The following LRRTM4 variants were observed in gnomAD, a reference collection of about 807,000 sequenced individuals.
LRRTM4 encodes the protein leucine rich repeat transmembrane neuronal 4.
In LRRTM4, 25 loss-of-function variants were observed where a neutral mutation model predicts 47.6. The ratio of observed to expected loss-of-function variants is 0.53; its 90% CI spans 0.38 to 0.73. The LOEUF is 0.73. LRRTM4 is among the 30% of genes least tolerant of loss of function. The pLI is 0.00. For synonymous variants in LRRTM4, 311 were observed against 269.5 expected, an observed-to-expected ratio of 1.15 and a Z score of -1.51; for missense variants, 638 against 713.4, an observed-to-expected ratio of 0.89 and a Z score of 1.20.
rs558537339 is a variant in LRRTM4, at chr2:77,000,338, G to A, written c.1552-251422C>T. ...AAAAAAAAAGGGTTAGTAATTGTGT[G>A]GTCTTCTCCATTACAAAGATGCTGA... is the stretch of plus-strand genomic sequence containing the variant. On this transcript the variant is annotated intron_variant, in intron 3 of 3. Coordinates refer to ENST00000409884, the MANE Select transcript of LRRTM4 (RefSeq NM_001134745.3). Among the ~76,000 whole-genome samples the A allele has an allele frequency of 1.9e-4, 29 of 152,054 alleles. 1 individual carries two copies. The South Asian group carries it at 5.8e-3, about 31-fold the overall frequency.
intron 3 of LRRTM4, among the ~76,000 whole-genome samples, chr2:76,962,884 C>T (rs947478625): frequency 1.0e-4 from 15 of 150,390 alleles, no homozygotes; most frequent in East Asian, 7.8e-4. Context: ...TAAATGCCAC[C>T]GTGACTCAGA....
chr2:76,787,004 G>GACTTGTGGA (rs749754539), intron 3 of LRRTM4, among the ~76,000 whole-genome samples: 152 of 151,958 alleles, frequency 1.0e-3, no homozygotes, highest in Admixed American at 1.9e-3. Flanking sequence ...ATGGTCAGGT[G>GACTTGTGGA]ACTTGTGGAA....
chr2:77,308,743 A>C (rs2104188609), intron 3 of LRRTM4, among the ~76,000 whole-genome samples: 1 of 152,124 alleles, frequency 6.6e-6, no homozygotes, highest in African/African-American at 2.4e-5. Flanking sequence ...CTCTTAGGCC[A>C]AATTGTTTTG....
At chr2:76,936,537 T>A in intron 3 of LRRTM4, among the ~76,000 whole-genome samples, 1 of 150,954 alleles carries the variant, frequency 6.6e-6, no homozygotes, top group Admixed American at 6.6e-5. Flanking sequence ...TATGCCTATG[T>A]AAGAAACCTG....
At chr2:76,908,060 A>C (rs1673912912) in intron 3 of LRRTM4, among the ~76,000 whole-genome samples, 1 of 152,018 alleles carries the variant, frequency 6.6e-6, no homozygotes, top group South Asian at 2.1e-4. Flanking sequence ...TTTTAGACCA[A>C]TATCCTTGAT....
At chr2:76,970,703 C>T (rs1441154962) in intron 3 of LRRTM4, among the ~76,000 whole-genome samples, 1 of 152,010 alleles carries the variant, frequency 6.6e-6, no homozygotes, top group Non-Finnish European at 1.5e-5. Flanking sequence ...AAAAGCTGAA[C>T]CTCACAACCT....
In LRRTM4 at chr2:77,058,054, C is replaced by T. The variant is rs1025264381; in HGVS notation, c.1552-309138G>A. ...GTCAATATTTTAGATTTTTCATGGG[C>T]CTCTGTTGTCAATCCCACCTTATGG... On this transcript the variant is annotated intron_variant, in intron 3 of 3. Coordinates refer to ENST00000409884, the MANE Select transcript of LRRTM4 (RefSeq NM_001134745.3). 2.0e-5 allele frequency among the ~76,000 whole-genome samples: 3 copies of T among 152,080 alleles called. No homozygotes were observed. In the East Asian group the frequency reaches 5.8e-4, roughly 29 times the overall value.
chr2:77,046,355 CA>C (rs1015028807), intron 3 of LRRTM4, among the ~76,000 whole-genome samples: 1 of 151,968 alleles, frequency 6.6e-6, no homozygotes, highest in Non-Finnish European at 1.5e-5. Context: ...AACCAAAGTG[CA>C]AAATGTGCAA....
chr2:77,146,641 A>G (rs1270280405), intron 3 of LRRTM4, among the ~76,000 whole-genome samples: 1 of 152,152 alleles, frequency 6.6e-6, no homozygotes, highest in Non-Finnish European at 1.5e-5. Flanking sequence ...ATTAAAAGTC[A>G]CAGATTTATA....
At chr2:77,186,508 A>G (rs1673509805) in intron 3 of LRRTM4, among the ~76,000 whole-genome samples, 1 of 152,188 alleles carries the variant, frequency 6.6e-6, no homozygotes. Context: ...TGCCAAATGA[A>G]AAACAGAATT....
At chr2:77,479,960 C>T (rs138919581) in intron 3 of LRRTM4, among the ~76,000 whole-genome samples, 19 of 152,168 alleles carry the variant, frequency 1.2e-4, no homozygotes, top group East Asian at 1.2e-3. Flanking sequence ...ACATATGACA[C>T]GACATTTTCC....
intron 3 of LRRTM4, among the ~76,000 whole-genome samples, chr2:77,164,052 A>G (rs1405386046): frequency 2.0e-5 from 3 of 152,196 alleles, no homozygotes; most frequent in Admixed American, 1.3e-4. Context: ...AGTGTGCTGT[A>G]TTCAGGAGAC....
At chr2:76,887,150 C>T (rs1174676155) in intron 3 of LRRTM4, among the ~76,000 whole-genome samples, 1 of 151,358 alleles carries the variant, frequency 6.6e-6, no homozygotes, top group Non-Finnish European at 1.5e-5. Flanking sequence ...TATAGGCGAG[C>T]AAATACCTTA....
Position 76,906,584 on chromosome 2 carries a change from G to C in LRRTM4, c.1552-157668C>G, listed in dbSNP as rs146310191. 8.8e-3 allele frequency among the ~76,000 whole-genome samples: 1,341 copies of C among 152,262 alleles called. 39 individuals are homozygous for C. The highest frequency in any genetic ancestry group is 0.074 in the South Asian group (355 of 4,828). On this transcript the variant is annotated intron_variant, in intron 3 of 3. Transcript: ENST00000409884. ...ATAAAGAGTCAAGACCCATCAGTCT[G>C]TTGTATTCAGGAAAAGCATCTCACA...
At chr2:77,323,666 A>G (rs924447792) in intron 3 of LRRTM4, among the ~76,000 whole-genome samples, 1 of 152,108 alleles carries the variant, frequency 6.6e-6, no homozygotes, top group Non-Finnish European at 1.5e-5. Context: ...AGATTTGGAG[A>G]GGTTAAATGG....
chr2:77,518,874 T>A lies in LRRTM4; in HGVS notation c.995A>T (p.Asn332Ile), dbSNP rs1175492526. The stretch of plus-strand genomic sequence containing the variant: ...CGCACATATCATGGTGCTTTCCTTA[T>A]TTCCTTTGAAATTCTTAAGCCAATA... ...LFYWLKNFKG[N>I]KESTMICAGP... is the part of the protein sequence containing the mutation. Residue 332 changes from asparagine to isoleucine, a missense_variant, in exon 3 of 4, where the codon AAT becomes ATT. Coordinates refer to ENST00000409884, the MANE Select transcript of LRRTM4 (RefSeq NM_001134745.3). The A allele has an allele frequency of 6.2e-7, 1 of 1,605,568 alleles. No homozygotes were observed.
intron 3 of LRRTM4, among the ~76,000 whole-genome samples, chr2:76,933,830 C>T (rs990280690): frequency 2.0e-5 from 3 of 152,052 alleles, no homozygotes; most frequent in Admixed American, 6.6e-5. Context: ...CTGGAAACAC[C>T]AGCTTTAGAG....
At chr2:77,458,474 A>G (rs1331122071) in intron 3 of LRRTM4, among the ~76,000 whole-genome samples, 1 of 152,084 alleles carries the variant, frequency 6.6e-6, no homozygotes, top group Non-Finnish European at 1.5e-5. Context: ...ATACTTGCCA[A>G]TGGAACCTGA....
intron 3 of LRRTM4, among the ~76,000 whole-genome samples, chr2:77,099,042 A>G (rs1251012168): frequency 1.3e-5 from 2 of 151,894 alleles, no homozygotes; most frequent in African/African-American, 4.8e-5. Flanking sequence ...AAATTCATTA[A>G]AAACACTAGG....
Sources: gnomAD v4.1 joint callset for allele counts (sites outside exome capture counted in the v4.1 genomes callset) on GRCh38, gnomAD v4.1.1 for gene constraint, MANE v1.5 for transcripts, NCBI Gene and HGNC (gene_info 2026-07-23, HGNC 2026-07-21) for gene names.